SORL1: variants seen among roughly 807,000 people sequenced by gnomAD.
The protein encoded by SORL1 is sortilin related receptor 1.
A neutral mutation model predicts 273.7 loss-of-function variants in SORL1; 127 were observed. That is an observed-to-expected ratio of 0.46 (90% CI 0.40 to 0.54). SORL1 has a LOEUF of 0.54. Among genes scored for constraint, SORL1 ranks in the 20% least tolerant of loss-of-function variants. The pLI is 0.00. For synonymous variants in SORL1, 1,031 were observed against 1,067.4 expected (o/e 0.97, Z 0.66); for missense variants, 2,494 against 2,846.1 (o/e 0.88, Z 2.81).
At chr11:121,458,687 C>T (rs610188) in intron 1 of SORL1, among the ~76,000 whole-genome samples, 150,511 of 152,344 alleles carry the variant, frequency 0.99, 74,382 homozygotes, top group Middle Eastern at 1. Flanking sequence ...AATTTATTGG[C>T]TTATCGACCT....
At chr11:121,527,422 C>T (rs1342075203) in intron 11 of SORL1, among the ~76,000 whole-genome samples, 2 of 151,860 alleles carry the variant, frequency 1.3e-5, no homozygotes, top group African/African-American at 4.8e-5. Context: ...AAGATTTTTG[C>T]ATTATTTGTG....
chr11:121,539,525 A>G (rs895240674), intron 12 of SORL1, among the ~76,000 whole-genome samples: 1 of 152,188 alleles, frequency 6.6e-6, no homozygotes, highest in African/African-American at 2.4e-5. Flanking sequence ...TTTATTTTGT[A>G]CTGATTTTCC....
Position 121,632,176 on chromosome 11 carries a change from G to A in SORL1, c.*2613G>A, listed in dbSNP as rs1376995828. On this transcript the variant is annotated 3_prime_UTR_variant, in exon 48 of 48. Coordinates refer to ENST00000260197, the MANE Select transcript of SORL1 (RefSeq NM_003105.6). ...ATTCTCTCCTGGCATACATTAGAATGTCAGATGCTTGCATCCATGTGGACC... is the reference window on the plus strand; with the variant it reads ...ATTCTCTCCTGGCATACATTAGAATATCAGATGCTTGCATCCATGTGGACC... 2.0e-5 allele frequency: 3 copies of A among 152,198 alleles called. No homozygotes were observed. The highest frequency in any genetic ancestry group is 4.8e-5 in the African/African-American group (2 of 41,442). The allele number at this position is 152,198 out of a possible 1,614,324, so 9.4% of individuals were successfully genotyped here.
chr11:121,473,827 G>A (rs768601937), intron 2 of SORL1, among the ~76,000 whole-genome samples: 13 of 152,104 alleles, frequency 8.5e-5, no homozygotes, highest in Non-Finnish European at 1.2e-4. Context: ...TCCGGGAGGC[G>A]GAGGTTGCAG....
At chr11:121,514,398 C>A in intron 8 of SORL1, 77 bp downstream of exon 8, 1 of 1,398,086 alleles carries the variant, frequency 7.2e-7, no homozygotes, top group South Asian at 1.4e-5. Context: ...CTGTGGTTTT[C>A]AACATTAGCT....
chr11:121,545,480 C>A, intron 14 of SORL1, 51 bp downstream of exon 14: 1 of 1,540,274 alleles, frequency 6.5e-7, no homozygotes, highest in Non-Finnish European at 9.0e-7. Context: ...ATTCACTCAG[C>A]AGTGTTGGGG....
In SORL1 at chr11:121,522,684, A is replaced by G. The variant is rs1212833850; in HGVS notation, c.1503A>G (p.Pro501=). 9.9e-6 allele frequency: 16 copies of G among 1,613,598 alleles called. No individual in the cohort carries two copies. The highest frequency in any genetic ancestry group is 1.2e-5 in the Non-Finnish European group (14 of 1,179,598). Residue 501 remains proline, a synonymous_variant, in exon 10 of 48, where the codon CCA becomes CCG. Transcript: ENST00000260197. ...RMPILSKESA[P]GLIIATGSVG... is the part of the protein sequence containing the mutation. ...CCATCCTGTCCAAGGAGTCGGCTCC[A>G]GGCCTCATCATCGCCACTGGTAAGT...
At chr11:121,575,463 C>CG (rs1303148230) in intron 24 of SORL1, among the ~76,000 whole-genome samples, 7 of 152,360 alleles carry the variant, frequency 4.6e-5, no homozygotes, top group Non-Finnish European at 1.0e-4. Flanking sequence ...TCCCTGTCCA[C>CG]GGGGGGCAGG....
At position 121,522,578 on chromosome 11, in the gene SORL1, T is replaced by C. The variant is rs1261582685; in HGVS notation, c.1405-8T>C. ...GTGCTGACACTGCCTGAAACTTTGG[T>C]TGTATAGCTTTCCCAGGGCTGTTCC... On this transcript the variant is annotated splice_polypyrimidine_tract_variant and splice_region_variant and intron_variant, in intron 9 of 47. Coordinates refer to ENST00000260197, the MANE Select transcript of SORL1 (RefSeq NM_003105.6). The C allele has an allele frequency of 6.2e-7, 1 of 1,607,944 alleles. No homozygotes were observed. The highest frequency in any genetic ancestry group is 1.7e-5 in the Admixed American group (1 of 60,006).
At chr11:121,469,780 T>C (rs1278037059) in intron 1 of SORL1, among the ~76,000 whole-genome samples, 1 of 152,232 alleles carries the variant, frequency 6.6e-6, no homozygotes, top group Non-Finnish European at 1.5e-5. Flanking sequence ...GAAGCTTTTC[T>C]ACAATCTCTT....
In SORL1 at chr11:121,595,786, G is replaced by C. The variant is rs201797344; in HGVS notation, c.4519+14G>C. ...AGGCCAATTGCCGTGAGTAGTCAGAGAGCCCTTCACCCCCTGGGCACGTTT... is the reference window on the plus strand; with the variant it reads ...AGGCCAATTGCCGTGAGTAGTCAGACAGCCCTTCACCCCCTGGGCACGTTT... On this transcript the variant is annotated intron_variant, in intron 32 of 47. Transcript: ENST00000260197. The surrounding 1 kb of genome is among the most constrained non-coding windows in gnomAD (Gnocchi z 5.1). The C allele has an allele frequency of 5.1e-5, 82 of 1,609,786 alleles. No individual in the cohort carries two copies. The African/African-American group carries it at 1.0e-3, about 20-fold the overall frequency.
At chr11:121,559,449 T>C (rs1001705892) in intron 20 of SORL1, 70 bp from the exon 21 acceptor site, 13 of 1,512,984 alleles carry the variant, frequency 8.6e-6, no homozygotes, top group Non-Finnish European at 1.2e-5. Flanking sequence ...CTGGGGGAAC[T>C]CTTACCCTTA....
chr11:121,532,541 C>A lies in SORL1; in HGVS notation c.1674C>A (p.Thr558=), dbSNP rs771861699. ...CGGCCATTGCCCAGGGCATGGAAAC[C>A]AACGAGCTAAAGTAAGTGTCTCTGA... ...IITAIAQGME[T]NELKYSTNEG... is the part of the protein sequence containing the mutation. Residue 558 remains threonine, a synonymous_variant, in exon 12 of 48, where the codon ACC becomes ACA. Coordinates refer to ENST00000260197, the MANE Select transcript of SORL1 (RefSeq NM_003105.6). 1 of 1,614,022 alleles carries A rather than the reference C, an allele frequency of 6.2e-7. No homozygotes were observed. Among genetic ancestry groups the A allele is most frequent in the Admixed American group, 1.7e-5 (1 of 60,004 alleles).
chr11:121,588,883 C>G (rs1425550279), intron 28 of SORL1, among the ~76,000 whole-genome samples: 1 of 152,124 alleles, frequency 6.6e-6, no homozygotes, highest in Non-Finnish European at 1.5e-5. Context: ...GTCTAAATTT[C>G]CTCTTCTGTA....
At chr11:121,537,558 G>A (rs1292426705) in intron 12 of SORL1, among the ~76,000 whole-genome samples, 1 of 152,150 alleles carries the variant, frequency 6.6e-6, no homozygotes, top group African/African-American at 2.4e-5. Context: ...TGGGTCCAAG[G>A]GGCGATGTCC....
chr11:121,543,788 A>G, intron 13 of SORL1, 62 bp downstream of exon 13: 1 of 1,479,118 alleles, frequency 6.8e-7, no homozygotes, highest in Non-Finnish European at 9.3e-7. Context: ...GTTATGTGCA[A>G]AGCACCAGCT....
intron 12 of SORL1, 58 bp from the exon 13 acceptor site, chr11:121,543,490 C>G (rs1330675894): frequency 1.4e-6 from 2 of 1,448,024 alleles, no homozygotes; most frequent in Non-Finnish European, 1.9e-6. Flanking sequence ...TATATGGAAA[C>G]CAAGCCTTTG....
intron 6 of SORL1, among the ~76,000 whole-genome samples, chr11:121,511,710 G>A (rs924475761): frequency 6.6e-6 from 1 of 152,188 alleles, no homozygotes; most frequent in Non-Finnish European, 1.5e-5. Flanking sequence ...GTTCAGTGGT[G>A]ATTTGAATGT....
chr11:121,590,768 A>G, intron 30 of SORL1: 1 of 734,738 alleles, frequency 1.4e-6, no homozygotes, highest in Non-Finnish European at 2.5e-6. Context: ...ATTAACCGAA[A>G]TCAAATATAG....
Sources: allele counts gnomAD v4.1 joint callset (sites outside exome capture counted in the v4.1 genomes callset), GRCh38; gene constraint gnomAD v4.1.1; non-coding constraint Gnocchi (gnomAD v3.1); transcripts MANE v1.5; gene names NCBI Gene and HGNC (gene_info 2026-07-23, HGNC 2026-07-21).